The following SIPA1L3 variants were observed in gnomAD, a reference collection of about 807,000 sequenced individuals.
SIPA1L3 encodes the protein signal induced proliferation associated 1 like 3, also known as signal-induced proliferation-associated 1-like protein 3.
In SIPA1L3, 59 loss-of-function variants were observed where a neutral mutation model predicts 150.1. The observed-to-expected ratio is 0.39, with a 90% CI of 0.32 to 0.49. SIPA1L3 has a LOEUF of 0.49. SIPA1L3 is among the 20% of genes least tolerant of loss of function. SIPA1L3 has a pLI of 0.86. For missense variants in SIPA1L3, 2,211 were observed against 2,489.5 expected, an observed-to-expected ratio of 0.89 and a Z score of 2.38; for synonymous variants, 1,070 against 1,077.6, an observed-to-expected ratio of 0.99 and a Z score of 0.14.
At chr19:37,932,368 C>G (rs1048048869) in intron 1 of SIPA1L3, 3 of 152,292 alleles carry the variant, frequency 2.0e-5, no homozygotes, top group Non-Finnish European at 4.4e-5. Flanking sequence ...TTCCCTCCCC[C>G]AAAGGGAATG....
intron 1 of SIPA1L3, among the ~76,000 whole-genome samples, chr19:38,018,549 A>T (rs1599911291): frequency 6.6e-6 from 1 of 152,260 alleles, no homozygotes; most frequent in Non-Finnish European, 1.5e-5. Flanking sequence ...GCTTTCACTC[A>T]ACATCATGTT....
At chr19:38,080,517 C>T (rs781457499) in intron 2 of SIPA1L3, among the ~76,000 whole-genome samples, 1 of 152,152 alleles carries the variant, frequency 6.6e-6, no homozygotes, top group Non-Finnish European at 1.5e-5. Context: ...TCACAAAAGA[C>T]ACCTGCGAGA....
chr19:38,166,434 C>T (rs1012070214), intron 15 of SIPA1L3, among the ~76,000 whole-genome samples: 3 of 148,228 alleles, frequency 2.0e-5, no homozygotes, highest in African/African-American at 5.0e-5. Context: ...TCCACCCAGG[C>T]GACAGAGCAA....
In SIPA1L3 at chr19:38,046,560, A is replaced by G. The variant is rs1969062665; in HGVS notation, c.-311+17404A>G. Among the ~76,000 whole-genome samples the G allele has an allele frequency of 6.6e-6, 1 of 152,116 alleles. No individual in the cohort carries two copies. The highest frequency in any genetic ancestry group is 2.1e-4 in the South Asian group (1 of 4,822). Reference sequence around the variant, plus strand: ...TCCAGATTACCTGTGTCTCCTGGGCATGGCACAGGAAATGACTCCTTCATA... The same window carrying G: ...TCCAGATTACCTGTGTCTCCTGGGCGTGGCACAGGAAATGACTCCTTCATA... On this transcript the variant is annotated intron_variant, in intron 2 of 21. Transcript: ENST00000222345. The surrounding 1 kb of genome is among the most constrained non-coding windows in gnomAD (Gnocchi z 5.6).
At chr19:38,008,748 C>G (rs2145675793) in intron 1 of SIPA1L3, among the ~76,000 whole-genome samples, 1 of 152,022 alleles carries the variant, frequency 6.6e-6, no homozygotes, top group South Asian at 2.1e-4. Context: ...TTGGTAGAGA[C>G]AGGGTCTCCC....
At chr19:38,128,528 G>A (rs1423886728) in intron 9 of SIPA1L3, among the ~76,000 whole-genome samples, 1 of 152,212 alleles carries the variant, frequency 6.6e-6, no homozygotes, top group Non-Finnish European at 1.5e-5. Flanking sequence ...TGTAAAACAC[G>A]AATGTGTAGA....
intron 2 of SIPA1L3, among the ~76,000 whole-genome samples, chr19:38,042,282 T>C (rs886235275): frequency 6.6e-6 from 1 of 152,224 alleles, no homozygotes; most frequent in African/African-American, 2.4e-5. Context: ...TTCCCACTTA[T>C]GTTTGGATTT....
intron 1 of SIPA1L3, among the ~76,000 whole-genome samples, chr19:38,025,248 T>TA (rs1159890320): frequency 6.6e-6 from 1 of 152,206 alleles, no homozygotes; most frequent in African/African-American, 2.4e-5. Context: ...TCTCATGGGA[T>TA]TCTGTTCTTG....
chr19:37,979,434 G>C (rs927623147), intron 1 of SIPA1L3, among the ~76,000 whole-genome samples: 5 of 151,696 alleles, frequency 3.3e-5, no homozygotes, highest in African/African-American at 1.2e-4. Flanking sequence ...GCACACACCT[G>C]TAATCCCAGC....
intron 16 of SIPA1L3, among the ~76,000 whole-genome samples, chr19:38,187,463 C>T (rs1257751536): frequency 3.4e-5 from 5 of 148,680 alleles, no homozygotes; most frequent in Admixed American, 6.7e-5. Context: ...AAAAAAAAGA[C>T]AAAAGGCACT....
chr19:38,155,774 T>G (rs1316456689), intron 13 of SIPA1L3, among the ~76,000 whole-genome samples: 1 of 152,096 alleles, frequency 6.6e-6, no homozygotes, highest in Non-Finnish European at 1.5e-5. Context: ...GGAGAATTCC[T>G]CAATATCTCA....
chr19:38,190,093 C>A (rs1600191627), intron 16 of SIPA1L3, among the ~76,000 whole-genome samples: 2 of 152,020 alleles, frequency 1.3e-5, no homozygotes, highest in South Asian at 2.1e-4. Context: ...CTGAAGGACG[C>A]GTTTCCAGAA....
chr19:38,122,803 T>G (rs79518189), intron 9 of SIPA1L3, among the ~76,000 whole-genome samples: 3,322 of 152,276 alleles, frequency 0.022, 111 homozygotes, highest in African/African-American at 0.073. Flanking sequence ...CTGGAACACT[T>G]CTCTGATCAC....
At chr19:38,014,589 G>A (rs1485067911) in intron 1 of SIPA1L3, among the ~76,000 whole-genome samples, 2 of 115,668 alleles carry the variant, frequency 1.7e-5, no homozygotes, top group East Asian at 2.6e-4. Flanking sequence ...GTCTTGCTCT[G>A]TTGCCTAGGC....
chr19:37,989,249 T>C (rs990097041), intron 1 of SIPA1L3, among the ~76,000 whole-genome samples: 1 of 152,144 alleles, frequency 6.6e-6, no homozygotes, highest in African/African-American at 2.4e-5. Context: ...AGACAAGATA[T>C]TGCTCTGTCA....
chr19:38,119,955 C>T (rs1970980219), intron 9 of SIPA1L3, 73 bp downstream of exon 9: 2 of 1,056,996 alleles, frequency 1.9e-6, no homozygotes, highest in Admixed American at 2.5e-5. Flanking sequence ...AAATACTTCC[C>T]TAGCCCAGTC....
intron 2 of SIPA1L3, among the ~76,000 whole-genome samples, chr19:38,045,885 G>T (rs1725514): frequency 1.8e-4 from 27 of 152,048 alleles, no homozygotes; most frequent in African/African-American, 5.8e-4. Flanking sequence ...AGCCACGGTA[G>T]GAGATTTGGA....
intron 1 of SIPA1L3, among the ~76,000 whole-genome samples, chr19:37,954,949 T>C (rs182405334): frequency 1.1e-4 from 17 of 151,854 alleles, no homozygotes; most frequent in Admixed American, 3.3e-4. Context: ...TAGCCAGGCA[T>C]TGTGGTGCAT....
intron 15 of SIPA1L3, among the ~76,000 whole-genome samples, chr19:38,174,988 G>A (rs896919628): frequency 6.6e-6 from 1 of 152,132 alleles, no homozygotes; most frequent in African/African-American, 2.4e-5. Flanking sequence ...GATATTTATC[G>A]TTAACAGTTG....
Sources: gnomAD v4.1 joint callset for allele counts (sites outside exome capture counted in the v4.1 genomes callset) on GRCh38, gnomAD v4.1.1 for gene constraint, Gnocchi (gnomAD v3.1) non-coding constraint, MANE v1.5 for transcripts, NCBI Gene and HGNC (gene_info 2026-07-23, HGNC 2026-07-21) for gene names.